The following GABRB3 variants were observed in gnomAD, a reference collection of about 807,000 sequenced individuals.
GABRB3 encodes the protein gamma-aminobutyric acid receptor subunit beta-3.
A neutral mutation model predicts 52.1 loss-of-function variants in GABRB3; 14 were observed. The observed-to-expected ratio is 0.27, with a 90% CI of 0.18 to 0.42. The LOEUF is 0.42. Ranked by LOEUF, GABRB3 falls within the 10% of genes least tolerant of loss-of-function variation. GABRB3 has a pLI of 1.00. For missense variants in GABRB3, 307 were observed against 609.1 expected (o/e 0.50, Z 5.22); for synonymous variants, 260 against 232.3 (o/e 1.12, Z -1.08).
At chr15:26,560,270 C>T (rs1444495497) in intron 8 of GABRB3, among the ~76,000 whole-genome samples, 3 of 152,184 alleles carry the variant, frequency 2.0e-5, no homozygotes, top group African/African-American at 7.2e-5. Flanking sequence ...AAGTCCTACA[C>T]AAAGCTGATG....
chr15:26,661,500 C>T (rs1458149014), intron 3 of GABRB3, among the ~76,000 whole-genome samples: 1 of 152,164 alleles, frequency 6.6e-6, no homozygotes, highest in Non-Finnish European at 1.5e-5. Flanking sequence ...CATCCCTTTT[C>T]ATCATCATAT....
At chr15:26,605,932 T>C (rs962148853) in intron 4 of GABRB3, among the ~76,000 whole-genome samples, 9 of 152,016 alleles carry the variant, frequency 5.9e-5, no homozygotes, top group African/African-American at 2.2e-4. Context: ...TCAGGAAACA[T>C]ACAACACAGC....
At chr15:26,667,182 G>A (rs769746266) in intron 3 of GABRB3, among the ~76,000 whole-genome samples, 1 of 152,214 alleles carries the variant, frequency 6.6e-6, no homozygotes, top group Non-Finnish European at 1.5e-5. Flanking sequence ...GGTCACGGTT[G>A]CAGGTTTCAC....
chr15:26,724,116 CA>C (rs1158792078), intron 3 of GABRB3, among the ~76,000 whole-genome samples: 11 of 152,164 alleles, frequency 7.2e-5, no homozygotes, highest in Admixed American at 7.2e-4. Flanking sequence ...GTTACTTATG[CA>C]GAGCTCTTCA....
chr15:26,550,528 A>G (rs1228120900), intron 8 of GABRB3, among the ~76,000 whole-genome samples: 1 of 152,242 alleles, frequency 6.6e-6, no homozygotes, highest in African/African-American at 2.4e-5. Context: ...AGGATCTCTT[A>G]AACACCATTG....
rs1421697398 is a variant in GABRB3, at chr15:26,583,411, G to A, written c.465C>T (p.Ile155=). 1 of 1,613,194 alleles carries A rather than the reference G, an allele frequency of 6.2e-7. No individual in the cohort carries two copies. Among genetic ancestry groups the A allele is most frequent in the South Asian group, 1.1e-5 (1 of 91,054 alleles). ...CCATCATGCATGCTGCTGTCGTGGT[G>A]ATTCTGAAATACACAGGGTGAGGGA... The part of the protein sequence containing the change: ...PDGTVLYGLR[I]TTTAACMMDL... Residue 155 remains isoleucine, a synonymous_variant, in exon 5 of 9, where the codon ATC becomes ATT. Transcript: ENST00000311550.
chr15:26,572,047 GAAAAAAAAA>G (rs67382387), intron 6 of GABRB3, among the ~76,000 whole-genome samples: 1,437 of 53,126 alleles, frequency 0.027, 37 homozygotes, highest in African/African-American at 0.083. Flanking sequence ...TCCGTCTCAA[GAAAAAAAAA>G]AAAAAAAAAA....
chr15:26,729,298 T>A (rs2140148119), intron 3 of GABRB3, among the ~76,000 whole-genome samples: 1 of 152,148 alleles, frequency 6.6e-6, no homozygotes. Context: ...GTAATAAACC[T>A]ACAGCTTTAG....
At chr15:26,636,987 G>A (rs1893079481) in intron 3 of GABRB3, among the ~76,000 whole-genome samples, 1 of 152,096 alleles carries the variant, frequency 6.6e-6, no homozygotes, top group Non-Finnish European at 1.5e-5. Flanking sequence ...CCACGGTCTT[G>A]TTCCCATTGG....
intron 4 of GABRB3, among the ~76,000 whole-genome samples, chr15:26,586,505 C>A (rs147598820): frequency 6.6e-6 from 1 of 150,970 alleles, no homozygotes; most frequent in African/African-American, 2.4e-5. Flanking sequence ...AGAAGGGGAA[C>A]CTGAGGCTAG....
intron 4 of GABRB3, 139 bp from the exon 5 acceptor site, chr15:26,583,553 G>C: frequency 1.5e-6 from 1 of 671,862 alleles, no homozygotes; most frequent in Admixed American, 2.4e-5. Flanking sequence ...ACTATATATA[G>C]AGAGAAACTT....
At chr15:26,570,905 T>C (rs927388101) in intron 6 of GABRB3, among the ~76,000 whole-genome samples, 1 of 151,406 alleles carries the variant, frequency 6.6e-6, no homozygotes, top group African/African-American at 2.5e-5. Flanking sequence ...TGTGAGGTAA[T>C]TTTTTTTATA....
Position 26,617,404 on chromosome 15 carries a change from AGAAAAAAACCACAT to A in GABRB3, c.461+3896_461+3909del, listed in dbSNP as rs937697206. ...TAATCCAGCATATAAACAGAACCAA[AGAAAAAAACCACAT>A]GATTATCTCAATAGATGCAGAAAAG... On this transcript the variant is annotated intron_variant, in intron 4 of 8. Transcript: ENST00000311550. Among the ~76,000 whole-genome samples, 287 of 152,350 alleles carry A rather than the reference AGAAAAAAACCACAT, an allele frequency of 1.9e-3. 2 individuals carry two copies. The highest frequency in any genetic ancestry group is 6.7e-3 in the African/African-American group (278 of 41,582).
intron 3 of GABRB3, among the ~76,000 whole-genome samples, chr15:26,677,850 T>C (rs904303741): frequency 6.6e-6 from 1 of 152,094 alleles, no homozygotes; most frequent in African/African-American, 2.4e-5. Flanking sequence ...ACTAAAACTG[T>C]CCTCCCAATT....
At chr15:26,587,494 C>G (rs1483100794) in intron 4 of GABRB3, among the ~76,000 whole-genome samples, 1 of 152,154 alleles carries the variant, frequency 6.6e-6, no homozygotes, top group Non-Finnish European at 1.5e-5. Context: ...CATGCCCCTC[C>G]CTAAGCCACA....
At chr15:26,606,772 A>C (rs61998670) in intron 4 of GABRB3, among the ~76,000 whole-genome samples, 49 of 81,646 alleles carry the variant, frequency 6.0e-4, no homozygotes, top group African/African-American at 9.6e-4. Context: ...GTCTATCTAT[A>C]GATAGATAGA....
At position 26,601,054 on chromosome 15, in the gene GABRB3, G is replaced by C. The variant is rs139776877; in HGVS notation, c.462-17640C>G. On this transcript the variant is annotated intron_variant, in intron 4 of 8. Coordinates refer to ENST00000311550, the MANE Select transcript of GABRB3 (RefSeq NM_000814.6). ...TGTTATCAGCTTCAAATGAGATGCT[G>C]TAAGTATAAGATGTTCTACGTAAGG... is the stretch of plus-strand genomic sequence containing the variant. Among the ~76,000 whole-genome samples the C allele has an allele frequency of 1.7e-3, 266 of 152,218 alleles. 1 individual carries two copies. Among genetic ancestry groups the C allele is most frequent in the African/African-American group, 6.2e-3 (259 of 41,526 alleles).
chr15:26,773,084 G>T, upstream of GABRB3: 1 of 998,708 alleles, frequency 1.0e-6, no homozygotes, highest in Non-Finnish European at 1.2e-6. Flanking sequence ...AGCGGAGGAG[G>T]GCGGAGGGGG....
chr15:26,764,509 T>C (rs890582173), intron 3 of GABRB3, among the ~76,000 whole-genome samples: 1 of 152,068 alleles, frequency 6.6e-6, no homozygotes, highest in Non-Finnish European at 1.5e-5. Flanking sequence ...CAAAAAGAGA[T>C]ACATTAGTTA....
Sources: gnomAD v4.1 joint callset for allele counts (sites outside exome capture counted in the v4.1 genomes callset) on GRCh38, gnomAD v4.1.1 for gene constraint, MANE v1.5 for transcripts, NCBI Gene and HGNC (gene_info 2026-07-23, HGNC 2026-07-21) for gene names.